Variants in ARSK observed in about 807,000 individuals in gnomAD.
The protein encoded by ARSK is arylsulfatase family member K.
A neutral mutation model predicts 53.2 loss-of-function variants in ARSK; 37 were observed. That is an observed-to-expected ratio of 0.70 (90% confidence interval 0.54 to 0.92). The LOEUF (loss-of-function observed/expected upper bound fraction) is 0.92, where lower values mean the gene tolerates loss of function less well. Ranked by LOEUF, ARSK falls within the 40% of genes least tolerant of loss-of-function variation. ARSK has a pLI of 0.00. For synonymous variants in ARSK, 208 were observed against 223.2 expected, an observed-to-expected ratio of 0.93 and a Z score of 0.61; for missense variants, 613 against 643.0, an observed-to-expected ratio of 0.95 and a Z score of 0.51.
At chr5:95,589,770 G>T (rs993821928) in intron 5 of ARSK, among the ~76,000 whole-genome samples, 1 of 152,156 alleles carries the variant, frequency 6.6e-6, no homozygotes, top group Admixed American at 6.5e-5. Context: ...ATAGAATGAT[G>T]TATATTCCTT....
chr5:95,572,408 T>A (rs1184971738), intron 3 of ARSK, among the ~76,000 whole-genome samples: 1 of 152,250 alleles, frequency 6.6e-6, no homozygotes, highest in Non-Finnish European at 1.5e-5. Context: ...TTTCTGATAC[T>A]CATCTGCCCC....
chr5:95,590,201 T>C (rs1006151356), intron 5 of ARSK, among the ~76,000 whole-genome samples: 8 of 152,090 alleles, frequency 5.3e-5, no homozygotes, highest in Non-Finnish European at 1.0e-4. Flanking sequence ...AAAGGAAGAA[T>C]AGGAATTTGT....
Position 95,591,403 on chromosome 5 carries a change from G to C in ARSK, c.874G>C (p.Glu292Gln). ...GTTTATCATGATTTCTATTGTAGGT[G>C]AAATTATTTTGGCCCTTCATCAATT... is the stretch of plus-strand genomic sequence containing the variant. ...MCAETDAMLG[E>Q]IILALHQLDL... is the part of the protein sequence containing the mutation. The change falls in exon 6 of 8, where the codon GAA becomes CAA. Residue 292 changes from glutamate to glutamine, a missense_variant and splice_region_variant. Glu to Gln is a conservative substitution (Grantham distance 29). Transcript: ENST00000380009. 6.2e-7 allele frequency: 1 copy of C among 1,605,354 alleles called. No homozygotes were observed. Among genetic ancestry groups the C allele is most frequent in the Non-Finnish European group, 8.5e-7 (1 of 1,172,102 alleles).
At chr5:95,581,172 C>T (rs979400264) in intron 3 of ARSK, among the ~76,000 whole-genome samples, 11 of 151,982 alleles carry the variant, frequency 7.2e-5, no homozygotes, top group Non-Finnish European at 1.3e-4. Flanking sequence ...GAAATCTGGC[C>T]ATAATGATTA....
At chr5:95,596,919 TTGG>T (rs1488628970) in intron 6 of ARSK, among the ~76,000 whole-genome samples, 21 of 152,224 alleles carry the variant, frequency 1.4e-4, no homozygotes, top group African/African-American at 5.1e-4. Flanking sequence ...ATTTGTGCTT[TTGG>T]ATCAAATAAA....
At chr5:95,580,896 A>G (rs1287333511) in intron 3 of ARSK, 2 of 1,287,642 alleles carry the variant, frequency 1.6e-6, no homozygotes, top group Non-Finnish European at 2.0e-6. Context: ...CTTTAGGCAC[A>G]GTGAACGTGG....
chr5:95,603,468 A>G lies in ARSK; in HGVS notation c.1553A>G (p.Lys518Arg), dbSNP rs1282510692. ...WHQDWQKEPR[K>R]YENAIDQWLK... ...CAAGACTGGCAGAAGGAACCAAGGA[A>G]GTATGAAAATGCAATTGATCAGTGG... Residue 518 changes from lysine (K) to arginine (R), a missense_variant, in exon 8 of 8, where the codon AAG (lysine) becomes AGG (arginine). By Grantham distance (26) the Lys-to-Arg change is conservative. Coordinates refer to ENST00000380009, the MANE Select transcript of ARSK (RefSeq NM_198150.3). 2 of 1,613,086 alleles carry G rather than the reference A, an allele frequency of 1.2e-6. No individual in the cohort carries two copies. The highest frequency in any genetic ancestry group is 1.1e-5 in the South Asian group (1 of 90,598).
chr5:95,567,288 C>G (rs543187417), intron 2 of ARSK, among the ~76,000 whole-genome samples: 20 of 152,222 alleles, frequency 1.3e-4, no homozygotes, highest in Middle Eastern at 6.8e-3. Flanking sequence ...GGGATTCAAA[C>G]CCAGGTAATC....
At chr5:95,598,571 C>CT (rs967825667) in intron 6 of ARSK, among the ~76,000 whole-genome samples, 12 of 152,200 alleles carry the variant, frequency 7.9e-5, no homozygotes, top group African/African-American at 2.7e-4. Flanking sequence ...CTAACTCTCT[C>CT]TGACCTTCTG....
chr5:95,594,956 T>C (rs764874293), intron 6 of ARSK, among the ~76,000 whole-genome samples: 1 of 152,226 alleles, frequency 6.6e-6, no homozygotes, highest in Non-Finnish European at 1.5e-5. Flanking sequence ...TTCTTAGAAA[T>C]GTGCATACGT....
chr5:95,555,549 T>C lies in ARSK; in HGVS notation c.126+145T>C. 1 of 875,204 alleles carries C rather than the reference T, an allele frequency of 1.1e-6. No individual in the cohort carries two copies. The highest frequency in any genetic ancestry group is 1.6e-6 in the Non-Finnish European group (1 of 610,114). 54.2% of individuals were successfully genotyped at this position (875,204 alleles called of 1,614,324 possible). ...GATGCAAAGAAAGAAATACATTTTA[T>C]GTGAGGCCCCGTGTACTCACACGTA... On this transcript the variant is annotated intron_variant, in intron 1 of 7. Transcript: ENST00000380009. The surrounding 1 kb of genome is among the most constrained non-coding windows in gnomAD (Gnocchi z 4.0).
At chr5:95,597,821 G>A (rs1023031985) in intron 6 of ARSK, among the ~76,000 whole-genome samples, 2 of 151,336 alleles carry the variant, frequency 1.3e-5, no homozygotes, top group Non-Finnish European at 2.9e-5. Context: ...TTGAACCTGG[G>A]AGGCAGAGGT....
At position 95,600,942 on chromosome 5, in the gene ARSK, C is replaced by G. The variant is rs1749391101; in HGVS notation, c.1192C>G (p.Leu398Val). The G allele has an allele frequency of 1.2e-6, 2 of 1,613,960 alleles. No homozygotes were observed. Among genetic ancestry groups the G allele is most frequent in the South Asian group, 2.2e-5 (2 of 91,088 alleles). The change falls in exon 7 of 8, where the codon CTG becomes GTG. Residue 398 changes from leucine (L) to valine (V), a missense_variant. Coordinates refer to ENST00000380009, the MANE Select transcript of ARSK (RefSeq NM_198150.3). Reference sequence around the variant, plus strand: ...TAAGAATGAACATAAAGTCAAAAACCTGCATCCACCCTGGATTCTGAGTGA... The same window carrying G: ...TAAGAATGAACATAAAGTCAAAAACGTGCATCCACCCTGGATTCTGAGTGA... ...TFKNEHKVKN[L>V]HPPWILSEFH...
intron 6 of ARSK, among the ~76,000 whole-genome samples, chr5:95,595,582 C>T (rs1749293625): frequency 6.6e-6 from 1 of 151,918 alleles, no homozygotes; most frequent in Admixed American, 6.6e-5. Context: ...AAACCAAATA[C>T]CGGATGTTCT....
In ARSK at chr5:95,597,241, C is replaced by T. The variant is rs1036133163; in HGVS notation, c.1097-3606C>T. ...TTTCTGTAAAACACCTGCCTTTCTC[C>T]ACTTAAAAGATAAGTCTAGATTTTT... is the stretch of plus-strand genomic sequence containing the variant. On this transcript the variant is annotated intron_variant, in intron 6 of 7. Transcript: ENST00000380009. Among the ~76,000 whole-genome samples, 25 of 152,192 alleles carry T rather than the reference C, an allele frequency of 1.6e-4. 1 individual carries two copies. In the Middle Eastern group the frequency reaches 0.01, roughly 62 times the overall value.
At chr5:95,598,971 C>T (rs1021237877) in intron 6 of ARSK, among the ~76,000 whole-genome samples, 30 of 152,178 alleles carry the variant, frequency 2.0e-4, no homozygotes, top group African/African-American at 6.8e-4. Flanking sequence ...CTATATAAAA[C>T]AGCACATACC....
chr5:95,560,365 G>A (rs1748607461), intron 1 of ARSK, among the ~76,000 whole-genome samples: 1 of 151,052 alleles, frequency 6.6e-6, no homozygotes, highest in South Asian at 2.1e-4. Context: ...TAATTCAAGG[G>A]ACCCAGAATA....
rs547393748 is a variant in ARSK at position 95,589,307 on chromosome 5, T to A, written c.872-2094T>A. Among the ~76,000 whole-genome samples, 3 of 152,342 alleles carry A rather than the reference T, an allele frequency of 2.0e-5. No individual in the cohort carries two copies. In the East Asian group the frequency reaches 5.8e-4, roughly 29 times the overall value. On this transcript the variant is annotated intron_variant, in intron 5 of 7. Coordinates refer to ENST00000380009, the MANE Select transcript of ARSK (RefSeq NM_198150.3). Reference sequence around the variant, plus strand: ...TTTTTATTTTAAGTTCCAGGGTACATGTGCAGGGTATGCAGGTTTGTTACA... The same window carrying A: ...TTTTTATTTTAAGTTCCAGGGTACAAGTGCAGGGTATGCAGGTTTGTTACA...
chr5:95,600,828 G>T lies in ARSK; in HGVS notation c.1097-19G>T. ...AAGAATGAGCTATTTTAAGATATTTGGTTATTTTTGTTACATAGATATTGC... is the reference window on the plus strand; with the variant it reads ...AAGAATGAGCTATTTTAAGATATTTTGTTATTTTTGTTACATAGATATTGC... On this transcript the variant is annotated intron_variant, in intron 6 of 7. Coordinates refer to ENST00000380009, the MANE Select transcript of ARSK (RefSeq NM_198150.3). 1 of 1,585,078 alleles carries T rather than the reference G, an allele frequency of 6.3e-7. No homozygotes were observed. The highest frequency in any genetic ancestry group is 8.7e-7 in the Non-Finnish European group (1 of 1,154,216).
Sources: allele counts gnomAD v4.1 joint callset (sites outside exome capture counted in the v4.1 genomes callset), GRCh38; gene constraint gnomAD v4.1.1; non-coding constraint Gnocchi (gnomAD v3.1); transcripts MANE v1.5; gene names NCBI Gene and HGNC (gene_info 2026-07-23, HGNC 2026-07-21).